B4GALNT4: variants seen among roughly 807,000 people sequenced by gnomAD.
The protein encoded by B4GALNT4 is N-acetyl-beta-glucosaminyl-glycoprotein 4-beta-N-acetylgalactosaminyltransferase 1.
B4GALNT4 carries 77 observed loss-of-function variants against 110.0 expected under a neutral mutation model. The observed-to-expected ratio is 0.70, with a 90% confidence interval of 0.58 to 0.85. The LOEUF (loss-of-function observed/expected upper bound fraction) is 0.85, where lower values mean the gene tolerates loss of function less well. B4GALNT4 is among the 40% of genes least tolerant of loss of function. B4GALNT4 has a pLI of 0.00. For synonymous variants in B4GALNT4, 785 were observed against 655.5 expected (o/e 1.20, Z -3.02); for missense variants, 1,575 against 1,506.0 (o/e 1.05, Z -0.76).
intron 19 of B4GALNT4, 138 bp downstream of exon 19, chr11:381,089 T>C (rs1846866741): frequency 3.4e-6 from 5 of 1,462,586 alleles, no homozygotes; most frequent in Non-Finnish European, 4.5e-6. Flanking sequence ...CCCAGTATCC[T>C]GTAGGCCTGG....
chr11:377,369 C>T (rs1298155052), intron 14 of B4GALNT4, 42 bp downstream of exon 14: 11 of 1,445,986 alleles, frequency 7.6e-6, no homozygotes, highest in Admixed American at 7.5e-5. Flanking sequence ...GTTTTGGAGG[C>T]GGGGACAGCC....
In B4GALNT4 at chr11:375,796, G is replaced by A. The variant is rs1020698783; in HGVS notation, c.985+23G>A. On this transcript the variant is annotated intron_variant, in intron 10 of 19. Coordinates refer to ENST00000329962, the MANE Select transcript of B4GALNT4 (RefSeq NM_178537.5). ...TCAGTGAGAGGGGGCCCGCGCGGGG[G>A]CGAGGGCGGGGGTGCCTGCCCCAGC... 5 of 1,601,348 alleles carry A rather than the reference G, an allele frequency of 3.1e-6. No individual in the cohort carries two copies. The African/African-American group carries it at 6.7e-5, about 21-fold the overall frequency.
chr11:369,727 T>C lies in B4GALNT4; in HGVS notation c.-77T>C. On this transcript the variant is annotated 5_prime_UTR_variant, in exon 1 of 20. An upstream start codon of the reference 5' UTR is lost. Coordinates refer to ENST00000329962, the MANE Select transcript of B4GALNT4 (RefSeq NM_178537.5). ...TGAGCGCGGCGGGGCGGGCCGGGGATGCGGCGCGGGGCGGGCGGGGGCCGG... is the reference window on the plus strand; with the variant it reads ...TGAGCGCGGCGGGGCGGGCCGGGGACGCGGCGCGGGGCGGGCGGGGGCCGG... 4.0e-6 allele frequency: 3 copies of C among 741,620 alleles called. No homozygotes were observed. The highest frequency in any genetic ancestry group is 4.9e-6 in the Non-Finnish European group (3 of 614,366). 45.9% of individuals were successfully genotyped at this position (741,620 alleles called of 1,614,324 possible).
chr11:377,070 G>C lies in B4GALNT4; in HGVS notation c.1947G>C (p.Gly649=). The C allele has an allele frequency of 6.9e-7, 1 of 1,445,548 alleles. No individual in the cohort carries two copies. Among genetic ancestry groups the C allele is most frequent in the Non-Finnish European group, 9.1e-7 (1 of 1,099,458 alleles). 89.5% of individuals were successfully genotyped at this position (1,445,548 alleles called of 1,614,324 possible). A position where few individuals can be genotyped will look rare whatever the true frequency, so the allele number is the denominator to read the frequency against. Residue 649 remains glycine, a synonymous_variant, in exon 14 of 20, where the codon GGG becomes GGC. Transcript: ENST00000329962. ...LPGEGEEEEE[G]EDDGAPGDEA... is the part of the protein sequence containing the mutation. Reference sequence around the variant, plus strand: ...GGGAGGGCGAAGAGGAGGAGGAAGGGGAGGACGATGGGGCCCCGGGCGACG... The same window carrying C: ...GGGAGGGCGAAGAGGAGGAGGAAGGCGAGGACGATGGGGCCCCGGGCGACG...
rs1320694468 is a variant in B4GALNT4, at chr11:376,605, G to T, written c.1482G>T (p.Leu494=). The change falls in exon 14 of 20, where the codon CTG becomes CTT. Residue 494 remains leucine (L), a synonymous_variant. Transcript: ENST00000329962. The part of the protein sequence containing the change: ...DGGTPRHSRA[L]SWAARAARPL... The stretch of plus-strand genomic sequence containing the variant: ...GGACCCCCAGGCACTCCCGGGCCCT[G>T]AGCTGGGCCGCCAGGGCCGCCCGCC... 5.7e-6 allele frequency: 8 copies of T among 1,392,706 alleles called. No individual in the cohort carries two copies. The highest frequency in any genetic ancestry group is 7.4e-6 in the Non-Finnish European group (8 of 1,076,232). The allele number at this position is 1,392,706 out of a possible 1,614,324, so 86.3% of individuals were successfully genotyped here.
rs1363222811 is a variant in B4GALNT4, at chr11:373,039, T to C, written c.458T>C (p.Val153Ala). The change falls in exon 5 of 20, where the codon GTG becomes GCG. Residue 153 changes from valine (V) to alanine (A), a missense_variant. Coordinates refer to ENST00000329962, the MANE Select transcript of B4GALNT4 (RefSeq NM_178537.5). ...FPLFPHTRTT[V>A]KKLAVSPKWK... ...CTGCCCCCCCAGACGCGCACCACCGTGAAGAAGTTGGCCGTGTCCCCCAAG... is the reference window on the plus strand; with the variant it reads ...CTGCCCCCCCAGACGCGCACCACCGCGAAGAAGTTGGCCGTGTCCCCCAAG... 6.2e-7 allele frequency: 1 copy of C among 1,612,044 alleles called. No homozygotes were observed. The highest frequency in any genetic ancestry group is 1.7e-5 in the Admixed American group (1 of 59,936).
Position 376,812 on chromosome 11 carries a change from G to A in B4GALNT4, c.1689G>A (p.Val563=), listed in dbSNP as rs764307657. ...VFLHPRPLPR[V]QLRAPPRPPR... ...TGCACCCCAGGCCTCTGCCCAGAGTGCAGCTGCGGGCGCCCCCACGCCCAC... is the reference window on the plus strand; with the variant it reads ...TGCACCCCAGGCCTCTGCCCAGAGTACAGCTGCGGGCGCCCCCACGCCCAC... The change falls in exon 14 of 20, where the codon GTG becomes GTA. Residue 563 remains valine, a synonymous_variant. Transcript: ENST00000329962. 1.5e-6 allele frequency: 2 copies of A among 1,359,332 alleles called. No individual in the cohort carries two copies. The highest frequency in any genetic ancestry group is 3.3e-5 in the Admixed American group (1 of 30,584). The allele number at this position is 1,359,332 out of a possible 1,614,324, so 84.2% of individuals were successfully genotyped here.
At chr11:371,198 ACCT>A (rs1162345644) in intron 1 of B4GALNT4, among the ~76,000 whole-genome samples, 1 of 152,122 alleles carries the variant, frequency 6.6e-6, no homozygotes, top group Non-Finnish European at 1.5e-5. Flanking sequence ...TACACTTGCT[ACCT>A]CTGAGGCTAG....
At position 369,535 on chromosome 11, in the gene B4GALNT4, G is replaced by C. The variant is rs1354579089; in HGVS notation, c.-269G>C. 1.1e-4 allele frequency among the ~76,000 whole-genome samples: 16 copies of C among 141,748 alleles called. No homozygotes were observed. The East Asian group carries it at 2.1e-3, about 19-fold the overall frequency. The allele number at this position is 141,748 out of a possible 152,430, so 93.0% of individuals were successfully genotyped here. A position where few individuals can be genotyped will look rare whatever the true frequency, so the allele number is the denominator to read the frequency against. On this transcript the variant is annotated 5_prime_UTR_variant, in exon 1 of 20. Coordinates refer to ENST00000329962, the MANE Select transcript of B4GALNT4 (RefSeq NM_178537.5). ...GCAGCCGTGGATGCTGTTCGGTCCC[G>C]CCGCCGCCCCAGGAGCGCGGAGCCG... is the stretch of plus-strand genomic sequence containing the variant.
chr11:375,676 C>G lies in B4GALNT4; in HGVS notation c.888C>G (p.Val296=). 1 of 1,593,300 alleles carries G rather than the reference C, an allele frequency of 6.3e-7. No homozygotes were observed. The highest frequency in any genetic ancestry group is 1.7e-4 in the Middle Eastern group (1 of 6,024). The stretch of plus-strand genomic sequence containing the variant: ...TGAAGATGGACCACGTGGCGCACGT[C>G]CCCCAGTCTCCAGCCAGCCACGTGG... ...SALKMDHVAH[V]PQSPASHVGG... is the part of the protein sequence containing the mutation. Residue 296 remains valine, a synonymous_variant, in exon 10 of 20, where the codon GTC becomes GTG. Coordinates refer to ENST00000329962, the MANE Select transcript of B4GALNT4 (RefSeq NM_178537.5).
chr11:370,636 G>A (rs1846600644), intron 1 of B4GALNT4, among the ~76,000 whole-genome samples: 1 of 152,212 alleles, frequency 6.6e-6, no homozygotes, highest in Non-Finnish European at 1.5e-5. Flanking sequence ...TTGGGGGAAA[G>A]AGCATTCCAG....
chr11:373,525 C>T lies in B4GALNT4; in HGVS notation c.704+9C>T. 6.2e-7 allele frequency: 1 copy of T among 1,611,004 alleles called. No individual in the cohort carries two copies. Among genetic ancestry groups the T allele is most frequent in the Non-Finnish European group, 8.5e-7 (1 of 1,179,376 alleles). On this transcript the variant is annotated intron_variant, in intron 7 of 19. Coordinates refer to ENST00000329962, the MANE Select transcript of B4GALNT4 (RefSeq NM_178537.5). ...GTGTCCAAGCCCAGGCGGTGAGTGA[C>T]TGTGGGGTGCATGTGCGTGCACTTG... is the stretch of plus-strand genomic sequence containing the variant.
At chr11:380,685 A>G (rs1298554506) in intron 18 of B4GALNT4, 140 bp from the exon 19 acceptor site, 1 of 1,420,574 alleles carries the variant, frequency 7.0e-7, no homozygotes, top group Non-Finnish European at 9.8e-7. Context: ...ATGACCCAGT[A>G]CCACCGGACG....
rs1285011871 is a variant in B4GALNT4 at position 375,930 on chromosome 11, A to C, written c.1069A>C (p.Ile357Leu). 2.5e-6 allele frequency: 4 copies of C among 1,612,056 alleles called. No homozygotes were observed. The Admixed American group carries it at 6.7e-5, about 27-fold the overall frequency. ...APTYVVKDFP[I>L]ARYQGLQFVY... is the part of the protein sequence containing the mutation. ...CACCTACGTGGTCAAGGACTTCCCG[A>C]TCGCCAGATACCAGGGCCTGCAATT... The change falls in exon 11 of 20, where the codon ATC (isoleucine) becomes CTC (leucine). Residue 357 changes from isoleucine (I) to leucine (L), a missense_variant. Transcript: ENST00000329962.
At position 380,460 on chromosome 11, in the gene B4GALNT4, G is replaced by C. The variant is rs778567509; in HGVS notation, c.2869+15G>C. On this transcript the variant is annotated intron_variant, in intron 18 of 19. Transcript: ENST00000329962. Reference sequence around the variant, plus strand: ...GGACCCCCACGGTGAGGCCCCGAGCGTCCCACCCTGTGATACCAGGGTTCC... The same window carrying C: ...GGACCCCCACGGTGAGGCCCCGAGCCTCCCACCCTGTGATACCAGGGTTCC... The C allele has an allele frequency of 3.8e-6, 6 of 1,571,982 alleles. No homozygotes were observed. The Admixed American group carries it at 9.2e-5, about 24-fold the overall frequency.
Position 376,185 on chromosome 11 carries a change from G to C in B4GALNT4, c.1196+11G>C, listed in dbSNP as rs1239302802. 6.2e-7 allele frequency: 1 copy of C among 1,607,612 alleles called. No individual in the cohort carries two copies. The highest frequency in any genetic ancestry group is 8.5e-7 in the Non-Finnish European group (1 of 1,176,710). Reference sequence around the variant, plus strand: ...GCTGTATCTGGAGAGGTGGGCGCGCGGCCGGGCTAATGCGGGGCGGGGTGG... The same window carrying C: ...GCTGTATCTGGAGAGGTGGGCGCGCCGCCGGGCTAATGCGGGGCGGGGTGG... On this transcript the variant is annotated intron_variant, in intron 12 of 19. Coordinates refer to ENST00000329962, the MANE Select transcript of B4GALNT4 (RefSeq NM_178537.5).
Position 380,152 on chromosome 11 carries a change from G to A in B4GALNT4, c.2665G>A (p.Gly889Arg). The change falls in exon 17 of 20, where the codon GGG becomes AGG. Residue 889 changes from glycine to arginine, a missense_variant. Physicochemically the swap from Gly to Arg is moderately radical, Grantham distance 125 (BLOSUM62 -2). Transcript: ENST00000329962. ...LPRYQYLRRT[G>R]NFERSAGLQA... is the part of the protein sequence containing the mutation. Reference sequence around the variant, plus strand: ...CAGGTACCAGTACCTGAGACGAACCGGGAACTTCGAGCGCTCCGCCGGGCT... The same window carrying A: ...CAGGTACCAGTACCTGAGACGAACCAGGAACTTCGAGCGCTCCGCCGGGCT... 1 of 1,603,966 alleles carries A rather than the reference G, an allele frequency of 6.2e-7. No homozygotes were observed. Among genetic ancestry groups the A allele is most frequent in the Non-Finnish European group, 8.5e-7 (1 of 1,173,108 alleles).
chr11:372,982 G>C (rs1846645724), intron 4 of B4GALNT4, 35 bp downstream of exon 4: 1 of 1,612,396 alleles, frequency 6.2e-7, no homozygotes, highest in Non-Finnish European at 8.5e-7. Flanking sequence ...CGGGTGGGCA[G>C]GGCACGCAGG....
chr11:376,245 C>A lies in B4GALNT4; in HGVS notation c.1197-6C>A. 1 of 1,607,858 alleles carries A rather than the reference C, an allele frequency of 6.2e-7. No individual in the cohort carries two copies. The highest frequency in any genetic ancestry group is 1.1e-5 in the South Asian group (1 of 90,826). Reference sequence around the variant, plus strand: ...GACTCGGCTCTGATGCCCCGCCGCGCCCCAGGTTTGGGTTCTATAAATACA... The same window carrying A: ...GACTCGGCTCTGATGCCCCGCCGCGACCCAGGTTTGGGTTCTATAAATACA... On this transcript the variant is annotated splice_region_variant and splice_polypyrimidine_tract_variant and intron_variant, in intron 12 of 19. Transcript: ENST00000329962.
Sources: allele counts gnomAD v4.1 joint callset (sites outside exome capture counted in the v4.1 genomes callset), GRCh38; gene constraint gnomAD v4.1.1; transcripts MANE v1.5; gene names NCBI Gene and HGNC (gene_info 2026-07-23, HGNC 2026-07-21).